The following SFXN5 variants were observed in gnomAD, a reference collection of about 807,000 sequenced individuals.
SFXN5 encodes the protein sideroflexin-5.
Under a neutral mutation model 50.2 loss-of-function variants are expected in SFXN5, and 43 were observed. That is an observed-to-expected ratio of 0.86 (90% confidence interval 0.67 to 1.11). The LOEUF (loss-of-function observed/expected upper bound fraction) is 1.11. Among genes scored for constraint, SFXN5 ranks in the 50% least tolerant of loss-of-function variants. The pLI is 0.00. For synonymous variants in SFXN5, 203 were observed against 185.8 expected (o/e 1.09, Z -0.75); for missense variants, 463 against 454.1 (o/e 1.02, Z -0.18).
intron 3 of SFXN5, among the ~76,000 whole-genome samples, chr2:73,029,823 G>A (rs1678067093): frequency 6.6e-6 from 1 of 152,210 alleles, no homozygotes; most frequent in Non-Finnish European, 1.5e-5. Context: ...TGTGATCTCA[G>A]CACTCTGGGA....
chr2:73,035,975 G>A lies in SFXN5; in HGVS notation c.249+4879C>T, dbSNP rs529295341. ...AGATGACAAACTGGGTAAAAAAAGA[G>A]AGTGTCACAAGTTAACCAGCACTGC... On this transcript the variant is annotated intron_variant, in intron 3 of 13. Transcript: ENST00000272433. 2.0e-4 allele frequency among the ~76,000 whole-genome samples: 30 copies of A among 152,352 alleles called. No homozygotes were observed. The South Asian group carries it at 6.0e-3, about 30-fold the overall frequency.
intron 3 of SFXN5, among the ~76,000 whole-genome samples, chr2:73,033,193 A>G (rs928766151): frequency 1.3e-5 from 2 of 152,180 alleles, no homozygotes; most frequent in Non-Finnish European, 2.9e-5. Context: ...TTAATAATTA[A>G]TTTAACAAAT....
intron 2 of SFXN5, 143 bp from the exon 3 acceptor site, chr2:73,041,074 A>T (rs1679570166): frequency 1.8e-6 from 1 of 562,296 alleles, no homozygotes; most frequent in Non-Finnish European, 3.1e-6. Context: ...ACACAAAATC[A>T]TATAGAAATA....
At chr2:73,040,768 TG>T (rs1485880797) in intron 3 of SFXN5, 85 bp downstream of exon 3, 3 of 1,076,746 alleles carry the variant, frequency 2.8e-6, no homozygotes, top group Non-Finnish European at 4.1e-6. Flanking sequence ...ACGAAAGAAG[TG>T]GTTCTGGCTG....
At chr2:73,002,506 C>G (rs1176285431) in intron 6 of SFXN5, among the ~76,000 whole-genome samples, 3 of 152,196 alleles carry the variant, frequency 2.0e-5, no homozygotes, top group Non-Finnish European at 4.4e-5. Context: ...TGTGCACAAC[C>G]ATCCACATAT....
intron 10 of SFXN5, among the ~76,000 whole-genome samples, chr2:72,974,053 G>A (rs1159059647): frequency 6.6e-6 from 1 of 152,202 alleles, no homozygotes; most frequent in Non-Finnish European, 1.5e-5. Flanking sequence ...TTGAGCCATT[G>A]CCACCCAACC....
chr2:73,021,475 C>T (rs1465555061), intron 5 of SFXN5, among the ~76,000 whole-genome samples: 1 of 152,164 alleles, frequency 6.6e-6, no homozygotes, highest in Admixed American at 6.5e-5. Context: ...AAGAGGGAGA[C>T]TCTGTCTCAA....
chr2:73,036,272 G>T (rs147481252), intron 3 of SFXN5, among the ~76,000 whole-genome samples: 1 of 152,246 alleles, frequency 6.6e-6, no homozygotes, highest in Non-Finnish European at 1.5e-5. Context: ...AGAGGCCAGA[G>T]GAAGGTGTAG....
rs750367678 is a variant in SFXN5, at chr2:72,971,581, C to A, written c.730G>T (p.Ala244Ser). Residue 244 changes from alanine to serine, a missense_variant, in exon 11 of 14, where the codon GCA (alanine) becomes TCA (serine). Transcript: ENST00000272433. ...DGNLVGSSKI[A>S]ARHALLETAL... ...ACCCCCAGACCCACGTGTCGGGCTG[C>A]GATCTTGGAGGAGCCCACGAGGTTG... The A allele has an allele frequency of 6.2e-7, 1 of 1,613,420 alleles. No homozygotes were observed. Among genetic ancestry groups the A allele is most frequent in the South Asian group, 1.1e-5 (1 of 91,050 alleles).
chr2:72,978,060 C>T (rs552483757), intron 10 of SFXN5, among the ~76,000 whole-genome samples: 41 of 149,620 alleles, frequency 2.7e-4, no homozygotes, highest in Non-Finnish European at 5.0e-4. Flanking sequence ...TATTTTCTTC[C>T]AAAGGTTTTA....
At chr2:73,040,774 T>C in intron 3 of SFXN5, 80 bp downstream of exon 3, 1 of 1,175,790 alleles carries the variant, frequency 8.5e-7, no homozygotes, top group Non-Finnish European at 1.2e-6. Context: ...GAAGTGGTTC[T>C]GGCTGCAGCG....
intron 13 of SFXN5, among the ~76,000 whole-genome samples, chr2:72,946,670 C>T (rs1033751977): frequency 2.0e-5 from 3 of 152,190 alleles, no homozygotes; most frequent in South Asian, 2.1e-4. Flanking sequence ...CTCTCCATCT[C>T]GGGAATGACG....
At chr2:72,987,117 T>TATTTG (rs1268156228) in intron 10 of SFXN5, among the ~76,000 whole-genome samples, 1 of 152,156 alleles carries the variant, frequency 6.6e-6, no homozygotes, top group Non-Finnish European at 1.5e-5. Flanking sequence ...TTTGGGGTTT[T>TATTTG]TTTTGTTTTG....
chr2:72,947,402 AG>A (rs1260021704), intron 13 of SFXN5, among the ~76,000 whole-genome samples: 2 of 152,210 alleles, frequency 1.3e-5, no homozygotes, highest in African/African-American at 2.4e-5. Flanking sequence ...CCCTAGCTAG[AG>A]GGGGGCAGGT....
intron 9 of SFXN5, among the ~76,000 whole-genome samples, chr2:72,993,347 C>G (rs897426713): frequency 1.8e-4 from 27 of 152,214 alleles, no homozygotes; most frequent in African/African-American, 5.8e-4. Flanking sequence ...CCCAGCCAGC[C>G]TGCCGCTTGG....
At chr2:73,066,567 A>T (rs1390627688) in intron 1 of SFXN5, among the ~76,000 whole-genome samples, 1 of 152,148 alleles carries the variant, frequency 6.6e-6, no homozygotes, top group East Asian at 1.9e-4. Context: ...CCAAAAAAAA[A>T]AAATAAAAGA....
chr2:72,978,587 T>A (rs1416395501), intron 10 of SFXN5, among the ~76,000 whole-genome samples: 1 of 152,106 alleles, frequency 6.6e-6, no homozygotes, highest in East Asian at 1.9e-4. Context: ...CCGGCCCAGA[T>A]GAACAAAAAT....
intron 10 of SFXN5, among the ~76,000 whole-genome samples, chr2:72,987,067 C>G (rs1488542070): frequency 6.6e-6 from 1 of 152,174 alleles, no homozygotes; most frequent in Non-Finnish European, 1.5e-5. Flanking sequence ...AGGGATCATC[C>G]TGAAATTACC....
chr2:72,983,984 T>G (rs1229812153), intron 10 of SFXN5, among the ~76,000 whole-genome samples: 1 of 152,224 alleles, frequency 6.6e-6, no homozygotes, highest in Non-Finnish European at 1.5e-5. Flanking sequence ...TAACTTCACC[T>G]GGCAGCAACC....
Sources: allele counts gnomAD v4.1 joint callset (sites outside exome capture counted in the v4.1 genomes callset), GRCh38; gene constraint gnomAD v4.1.1; transcripts MANE v1.5; gene names NCBI Gene and HGNC (gene_info 2026-07-23, HGNC 2026-07-21).